Variants in PERM1 observed in about 807,000 individuals in gnomAD.
PERM1 encodes PGC-1 and ERR-induced regulator in muscle protein 1.
In PERM1, 45 loss-of-function variants were observed where a neutral mutation model predicts 44.1. That is an observed-to-expected ratio of 1.02 (90% confidence interval 0.80 to 1.31). PERM1 has a LOEUF of 1.31. PERM1 is among the 50% of genes most tolerant of loss of function. PERM1 has a pLI of 0.00. For synonymous variants in PERM1, 565 were observed against 477.1 expected (o/e 1.18, Z -2.40); for missense variants, 1,189 against 1,106.9 (o/e 1.07, Z -1.05).
rs1643768385 is a variant in PERM1 at position 980,524 on chromosome 1, G to A, written c.506C>T (p.Pro169Leu). 3 of 1,474,174 alleles carry A rather than the reference G, an allele frequency of 2.0e-6. No individual in the cohort carries two copies. In the African/African-American group the frequency reaches 4.2e-5, roughly 21 times the overall value. The allele number at this position is 1,474,174 out of a possible 1,614,324, so 91.3% of individuals were successfully genotyped here. A position where few individuals can be genotyped will look rare whatever the true frequency, so the allele number is the denominator to read the frequency against. Residue 169 changes from proline (P) to leucine (L), a missense_variant, in exon 1 of 3, where the codon CCC (proline) becomes CTC (leucine). Pro to Leu is a moderately conservative substitution (Grantham distance 98, BLOSUM62 -3). Around this residue, in one of 3 missense-constraint regions of PERM1, gnomAD observed 274 missense variants for 317.9 expected, o/e 0.86. Transcript: ENST00000433179. ...TGGTGGGGCTCCAGGGCTATCGGGG[G>A]GCCTCTGGGAGCCAGTGCTGTGGCC...
chr1:979,861 A>G (rs1289555937), exon 1 of PERM1: 1 of 1,548,130 alleles, frequency 6.5e-7, no homozygotes, highest in East Asian at 2.4e-5. Flanking sequence ...TGGCTTGGAG[A>G]TGGGTGTAGA....
upstream of PERM1, chr1:981,991 C>T: frequency 2.4e-6 from 3 of 1,228,690 alleles, no homozygotes; most frequent in South Asian, 2.6e-5. Flanking sequence ...TCTCTGGTCT[C>T]TTGAGAAGCC....
At chr1:978,961 G>C (rs758582513) in exon 1 of PERM1, 1 of 1,507,088 alleles carries the variant, frequency 6.6e-7, no homozygotes, top group Non-Finnish European at 8.9e-7. Context: ...CTCGGAGGCC[G>C]ACCGGGGAGG....
chr1:976,678 ACAC>A (rs1643622072), intron 1 of PERM1, 54 bp from the exon 3 acceptor site: 2 of 1,537,246 alleles, frequency 1.3e-6, no homozygotes, highest in African/African-American at 2.8e-5. Context: ...ATGGCCCCGC[ACAC>A]GCCCGCCCCG....
chr1:979,654 C>A, exon 1 of PERM1: 1 of 1,550,268 alleles, frequency 6.5e-7, no homozygotes, highest in African/African-American at 1.4e-5. Context: ...GGTGGGAGGC[C>A]AGGCGAGGCC....
chr1:980,585 G>A, exon 1 of PERM1: 10 of 1,454,616 alleles, frequency 6.9e-6, no homozygotes, highest in Non-Finnish European at 9.1e-6. Flanking sequence ...TCACCAGGGG[G>A]CCGTGGGGCA....
At chr1:979,318 C>A in exon 1 of PERM1, 1 of 1,535,100 alleles carries the variant, frequency 6.5e-7, no homozygotes, top group South Asian at 1.2e-5. Flanking sequence ...GCTCCCGGGC[C>A]CGACCCTCGT....
chr1:980,119 G>A, exon 1 of PERM1: 5 of 1,550,312 alleles, frequency 3.2e-6, no homozygotes, highest in Non-Finnish European at 4.4e-6. Context: ...CGGCTCGGAG[G>A]CAGGTGTAGA....
chr1:981,518 G>A (rs1182145074), upstream of PERM1, among the ~76,000 whole-genome samples: 1 of 152,342 alleles, frequency 6.6e-6, no homozygotes, highest in Non-Finnish European at 1.5e-5. Flanking sequence ...GGGCAGCCCT[G>A]GTCCATCCCA....
upstream of PERM1, chr1:981,091 A>G: frequency 6.5e-7 from 1 of 1,548,026 alleles, no homozygotes. Flanking sequence ...TCATGGGTTC[A>G]GGCCCCGGGC....
exon 1 of PERM1, chr1:980,805 C>G: frequency 7.1e-7 from 1 of 1,399,812 alleles, no homozygotes; most frequent in Non-Finnish European, 9.2e-7. Flanking sequence ...CGTCCTCCTC[C>G]TCGCAGCCCC....
chr1:978,830 G>GCCAAGATTGTCA (rs1643696198), intron 1 of PERM1, 51 bp downstream of exon 2: 3 of 1,425,548 alleles, frequency 2.1e-6, no homozygotes, highest in African/African-American at 1.4e-5. Context: ...AAGATCCCTG[G>GCCAAGATTGTCA]ACAGTGTGTG....
exon 1 of PERM1, chr1:979,961 C>T (rs1481525501): frequency 1.3e-6 from 2 of 1,550,210 alleles, no homozygotes; most frequent in Non-Finnish European, 1.7e-6. Context: ...ACAGCCATGT[C>T]CCTGTCAGGT....
chr1:979,223 C>T (rs1353499455), exon 1 of PERM1: 1 of 1,550,150 alleles, frequency 6.5e-7, no homozygotes, highest in Middle Eastern at 1.7e-4. Flanking sequence ...TCCTGACCGG[C>T]CGCTGCCGCC....
chr1:976,200 C>T (rs1427199101), exon 3 of PERM1: 3 of 1,544,092 alleles, frequency 1.9e-6, no homozygotes, highest in Non-Finnish European at 2.6e-6. Flanking sequence ...GCTGTGGCTG[C>T]GGCGCCCTTG....
upstream of PERM1, among the ~76,000 whole-genome samples, chr1:981,372 G>A (rs780935223): frequency 1.3e-4 from 20 of 152,274 alleles, no homozygotes; most frequent in Admixed American, 6.5e-4. Context: ...AAAACCAGCC[G>A]TCCTCAGGTT....
At chr1:976,681 C>A in intron 1 of PERM1, 57 bp from the exon 3 acceptor site, 1 of 1,539,720 alleles carries the variant, frequency 6.5e-7, no homozygotes, top group Middle Eastern at 1.8e-4. Context: ...GCCCCGCACA[C>A]GCCCGCCCCG....
In PERM1 at chr1:976,223, G is replaced by C. The variant is rs1224741539; in HGVS notation, c.2322C>G (p.Arg774=). ...TGCGGCGCCCTTGCCCCACCTGCCG[G>C]CGGAAGTAGCGGATGGCAGAGATGG... is the stretch of plus-strand genomic sequence containing the variant. The change falls in exon 3 of 3, where the codon CGC becomes CGG. Residue 774 remains arginine (R), a synonymous_variant. Transcript: ENST00000433179. 6.5e-6 allele frequency: 10 copies of C among 1,538,308 alleles called. 1 individual carries two copies. The South Asian group carries it at 1.2e-4, about 19-fold the overall frequency.
chr1:980,786 G>C (rs1424841568), exon 1 of PERM1: 2 of 1,400,818 alleles, frequency 1.4e-6, no homozygotes, highest in Admixed American at 3.4e-5. Context: ...ACCGGCTGCT[G>C]TGTGGCCACG....
Sources: allele counts gnomAD v4.1 joint callset (sites outside exome capture counted in the v4.1 genomes callset), GRCh38; gene constraint gnomAD v4.1.1; regional missense constraint gnomAD v4.1.1; transcripts MANE v1.5; gene names NCBI Gene and HGNC (gene_info 2026-07-23, HGNC 2026-07-21).